DLG2: variants seen among roughly 807,000 people sequenced by gnomAD.
DLG2 encodes discs large MAGUK scaffold protein 2, also known as disks large homolog 2.
DLG2 carries 45 observed loss-of-function variants against 132.5 expected under a neutral mutation model. That is an observed-to-expected ratio of 0.34 (90% CI 0.27 to 0.44). The LOEUF (loss-of-function observed/expected upper bound fraction) is 0.44. Among genes scored for constraint, DLG2 ranks in the 20% least tolerant of loss-of-function variants. The pLI is 1.00. For missense variants in DLG2, 1,045 were observed against 1,196.9 expected, an observed-to-expected ratio of 0.87 and a Z score of 1.87; for synonymous variants, 424 against 419.6, an observed-to-expected ratio of 1.01 and a Z score of -0.13.
intron 7 of DLG2, among the ~76,000 whole-genome samples, chr11:84,519,230 C>T (rs564272364): frequency 2.0e-5 from 3 of 152,242 alleles, no homozygotes; most frequent in African/African-American, 7.2e-5. Flanking sequence ...ACCCAGTGCA[C>T]ATTTTATGAC....
At chr11:85,158,045 T>A (rs2077721494) in intron 4 of DLG2, among the ~76,000 whole-genome samples, 1 of 152,106 alleles carries the variant, frequency 6.6e-6, no homozygotes. Context: ...CCAACAGCCC[T>A]GTTTGCTTCT....
At chr11:84,839,722 A>T (rs1173769862) in intron 6 of DLG2, among the ~76,000 whole-genome samples, 1 of 152,152 alleles carries the variant, frequency 6.6e-6, no homozygotes, top group African/African-American at 2.4e-5. Context: ...CAAACCTCAC[A>T]AAAACACGAA....
At chr11:84,769,122 C>G (rs1339133779) in intron 6 of DLG2, among the ~76,000 whole-genome samples, 1 of 152,022 alleles carries the variant, frequency 6.6e-6, no homozygotes, top group East Asian at 1.9e-4. Context: ...TATTAGCCCT[C>G]CAGCAATGAT....
intron 18 of DLG2, among the ~76,000 whole-genome samples, chr11:83,763,718 T>C (rs1312841151): frequency 6.6e-6 from 1 of 152,200 alleles, no homozygotes; most frequent in Non-Finnish European, 1.5e-5. Flanking sequence ...AAATGGAATA[T>C]AACATATAAT....
chr11:84,178,305 A>G (rs1400868333), intron 8 of DLG2, among the ~76,000 whole-genome samples: 1 of 152,200 alleles, frequency 6.6e-6, no homozygotes, highest in Non-Finnish European at 1.5e-5. Context: ...GGTGCAGTCA[A>G]CATGCTGTCT....
intron 6 of DLG2, among the ~76,000 whole-genome samples, chr11:84,881,987 T>C (rs1282514950): frequency 6.6e-6 from 1 of 152,152 alleles, no homozygotes; most frequent in Non-Finnish European, 1.5e-5. Flanking sequence ...AATTTTAAAA[T>C]GTTTGCTTTA....
chr11:85,334,412 T>A (rs185667100), intron 3 of DLG2, among the ~76,000 whole-genome samples: 13 of 152,250 alleles, frequency 8.5e-5, no homozygotes, highest in Admixed American at 5.9e-4. Context: ...TTTGTATAAA[T>A]TTTCATGTCT....
intron 6 of DLG2, among the ~76,000 whole-genome samples, chr11:85,004,667 G>A (rs1489401326): frequency 2.6e-5 from 4 of 152,018 alleles, no homozygotes; most frequent in Non-Finnish European, 5.9e-5. Context: ...TCTGTAGACT[G>A]CCTGTTCACT....
intron 11 of DLG2, among the ~76,000 whole-genome samples, chr11:84,021,254 T>C (rs2095382483): frequency 6.6e-6 from 1 of 152,136 alleles, no homozygotes; most frequent in Non-Finnish European, 1.5e-5. Context: ...ACTCAGAATT[T>C]CTATGTTAAT....
intron 2 of DLG2, among the ~76,000 whole-genome samples, chr11:85,607,237 G>A (rs1285533752): frequency 6.6e-6 from 1 of 152,164 alleles, no homozygotes; most frequent in Non-Finnish European, 1.5e-5. Flanking sequence ...AGGCTTTCTG[G>A]GAAAGGGCTC....
At chr11:83,787,471 G>A (rs541558062) in intron 17 of DLG2, among the ~76,000 whole-genome samples, 41 of 151,666 alleles carry the variant, frequency 2.7e-4, no homozygotes, top group African/African-American at 8.9e-4. Context: ...ACAGGTGCCC[G>A]CCACCACGCC....
At chr11:84,133,611 G>A (rs1273255040) in intron 9 of DLG2, among the ~76,000 whole-genome samples, 1 of 136,380 alleles carries the variant, frequency 7.3e-6, no homozygotes, top group Non-Finnish European at 1.6e-5. Flanking sequence ...GATCTCTTGA[G>A]AGAGAATAAT....
chr11:84,452,081 T>C (rs924655532), intron 7 of DLG2, among the ~76,000 whole-genome samples: 1 of 149,376 alleles, frequency 6.7e-6, no homozygotes, highest in Non-Finnish European at 1.5e-5. Flanking sequence ...AAATTGTAAT[T>C]GTTCCTGTAT....
chr11:85,445,469 G>A (rs891851530), intron 3 of DLG2, among the ~76,000 whole-genome samples: 23 of 152,190 alleles, frequency 1.5e-4, no homozygotes, highest in African/African-American at 4.1e-4. Flanking sequence ...CCTGAGGTCA[G>A]GAGTTTGAGA....
At chr11:84,928,958 ATGTG>A (rs1186822886) in intron 6 of DLG2, among the ~76,000 whole-genome samples, 3 of 52,880 alleles carry the variant, frequency 5.7e-5, no homozygotes, top group Admixed American at 2.7e-4. Context: ...ACTCTCTGAT[ATGTG>A]TGTGTGTGTG....
intron 6 of DLG2, among the ~76,000 whole-genome samples, chr11:84,837,871 A>G (rs2080036243): frequency 6.6e-6 from 1 of 151,780 alleles, no homozygotes; most frequent in African/African-American, 2.4e-5. Context: ...CCAGACCAGC[A>G]TCAAGAGCAA....
intron 11 of DLG2, among the ~76,000 whole-genome samples, chr11:83,997,977 C>A (rs879419015): frequency 3.9e-4 from 59 of 149,634 alleles, no homozygotes; most frequent in Non-Finnish European, 2.8e-4. Flanking sequence ...ACTAAAAATA[C>A]AAAAAAAATT....
chr11:85,053,068 T>C (rs1332251413), intron 6 of DLG2, among the ~76,000 whole-genome samples: 1 of 152,206 alleles, frequency 6.6e-6, no homozygotes, highest in Non-Finnish European at 1.5e-5. Flanking sequence ...AGTAAAGGAA[T>C]GAATCTGGGG....
At chr11:84,841,434 T>C (rs1003151214) in intron 6 of DLG2, among the ~76,000 whole-genome samples, 1 of 152,034 alleles carries the variant, frequency 6.6e-6, no homozygotes, top group Non-Finnish European at 1.5e-5. Context: ...TAAAAATTCT[T>C]AATTGAAAAA....
Sources: gnomAD v4.1 joint callset for allele counts (sites outside exome capture counted in the v4.1 genomes callset) on GRCh38, gnomAD v4.1.1 for gene constraint, MANE v1.5 for transcripts, NCBI Gene and HGNC (gene_info 2026-07-23, HGNC 2026-07-21) for gene names.